RGS6: variants seen among roughly 807,000 people sequenced by gnomAD.
RGS6 encodes regulator of G protein signaling 6.
Under a neutral mutation model 78.5 loss-of-function variants are expected in RGS6, and 30 were observed. That is an observed-to-expected ratio of 0.38 (90% CI 0.29 to 0.52). The LOEUF (loss-of-function observed/expected upper bound fraction) is 0.52, where lower values mean the gene tolerates loss of function less well. Among genes scored for constraint, RGS6 ranks in the 20% least tolerant of loss-of-function variants. The pLI is 0.85. For synonymous variants in RGS6, 206 were observed against 206.0 expected (o/e 1.00, Z 0.00); for missense variants, 495 against 609.7 (o/e 0.81, Z 1.98).
In RGS6 at chr14:72,561,206, G is replaced by A. The variant is rs147311714; in HGVS notation, c.1423-1211G>A. 3.3e-3 allele frequency among the ~76,000 whole-genome samples: 500 copies of A among 152,296 alleles called. 2 individuals are homozygous for A. Among genetic ancestry groups the A allele is most frequent in the African/African-American group, 0.011 (459 of 41,566 alleles). The stretch of plus-strand genomic sequence containing the variant: ...TTAAATTACATCTAGCTTACACGCA[G>A]CCAAGCCCAGTAAACAAGACGAGCC... On this transcript the variant is annotated intron_variant, in intron 17 of 17. Transcript: ENST00000553525.
rs564581562 is a variant in RGS6 at position 72,233,519 on chromosome 14, C to T, written c.85-118576C>T. On this transcript the variant is annotated intron_variant, in intron 2 of 17. Transcript: ENST00000553525. ...AAAAATAAGTTGAGATCAGCACCTTCCACAGCCTCTGCATATGAAATGTCA... is the reference window on the plus strand; with the variant it reads ...AAAAATAAGTTGAGATCAGCACCTTTCACAGCCTCTGCATATGAAATGTCA... Among the ~76,000 whole-genome samples, 19 of 152,326 alleles carry T rather than the reference C, an allele frequency of 1.2e-4. No individual in the cohort carries two copies. The South Asian group carries it at 3.7e-3, about 30-fold the overall frequency.
At chr14:72,389,311 G>A (rs1286121437) in intron 3 of RGS6, among the ~76,000 whole-genome samples, 1 of 152,010 alleles carries the variant, frequency 6.6e-6, no homozygotes, top group Non-Finnish European at 1.5e-5. Flanking sequence ...TCTTTACTTA[G>A]CATCTACTCC....
At chr14:71,907,089 T>C in the RGS6 span, among the ~76,000 whole-genome samples, 11 of 152,338 alleles carry the variant, frequency 7.2e-5, no homozygotes, top group South Asian at 1.4e-3. Flanking sequence ...GAACATCCCA[T>C]ATGTGCCAGA....
intron 2 of RGS6, among the ~76,000 whole-genome samples, chr14:72,165,110 C>G (rs1443520517): frequency 6.6e-6 from 1 of 152,144 alleles, no homozygotes; most frequent in Non-Finnish European, 1.5e-5. Context: ...AGCCAGGAAC[C>G]CTGCTAGGAA....
At chr14:72,327,075 C>T (rs752306683) in intron 2 of RGS6, among the ~76,000 whole-genome samples, 1 of 152,148 alleles carries the variant, frequency 6.6e-6, no homozygotes, top group Non-Finnish European at 1.5e-5. Flanking sequence ...ACAGTAGATG[C>T]CTCTTGGGAG....
intron 2 of RGS6, among the ~76,000 whole-genome samples, chr14:72,336,536 C>T (rs866499989): frequency 6.7e-6 from 1 of 149,192 alleles, no homozygotes; most frequent in African/African-American, 2.5e-5. Context: ...AGAGAGAGAG[C>T]GCGCATAGGG....
chr14:72,065,410 T>C (rs2094095370), intron 2 of RGS6, among the ~76,000 whole-genome samples: 1 of 152,216 alleles, frequency 6.6e-6, no homozygotes, highest in Non-Finnish European at 1.5e-5. Context: ...GATTTCTACA[T>C]TGATTTATGT....
At chr14:72,478,207 G>A in intron 11 of RGS6, 61 bp from the exon 12 acceptor site, 2 of 1,272,820 alleles carry the variant, frequency 1.6e-6, no homozygotes, top group South Asian at 2.5e-5. Context: ...TGGGTTTGTG[G>A]AGCGAGGGGA....
At chr14:72,211,549 G>T (rs1211490887) in intron 2 of RGS6, among the ~76,000 whole-genome samples, 2 of 152,128 alleles carry the variant, frequency 1.3e-5, no homozygotes, top group Non-Finnish European at 2.9e-5. Context: ...TATTTTAGAT[G>T]GGAGATATTT....
intron 1 of RGS6, among the ~76,000 whole-genome samples, chr14:71,938,503 T>C (rs559852953): frequency 6.6e-6 from 1 of 152,288 alleles, no homozygotes; most frequent in East Asian, 1.9e-4. Context: ...GAACCATCTG[T>C]GAACAGGCCC....
chr14:72,414,295 C>T (rs1031262650), intron 3 of RGS6, among the ~76,000 whole-genome samples: 2 of 152,180 alleles, frequency 1.3e-5, no homozygotes, highest in Non-Finnish European at 2.9e-5. Flanking sequence ...AACTTCTCTT[C>T]TCGCTTCATT....
intron 2 of RGS6, among the ~76,000 whole-genome samples, chr14:71,994,620 G>A (rs1453714927): frequency 6.6e-6 from 1 of 152,058 alleles, no homozygotes; most frequent in Non-Finnish European, 1.5e-5. Context: ...AATTAGTAAA[G>A]ATGAGGTCAT....
intron 2 of RGS6, among the ~76,000 whole-genome samples, chr14:72,076,525 A>G (rs576938802): frequency 2.0e-5 from 3 of 152,282 alleles, no homozygotes; most frequent in South Asian, 4.1e-4. Context: ...ATTCATATAC[A>G]TATCTATACA....
intron 3 of RGS6, among the ~76,000 whole-genome samples, chr14:72,446,657 A>T (rs1034846265): frequency 1.3e-5 from 2 of 152,232 alleles, no homozygotes; most frequent in Non-Finnish European, 2.9e-5. Context: ...ACATTATAAC[A>T]TATAAGGAAA....
At chr14:72,446,953 C>T (rs1162331473) in intron 3 of RGS6, among the ~76,000 whole-genome samples, 1 of 152,094 alleles carries the variant, frequency 6.6e-6, no homozygotes, top group Non-Finnish European at 1.5e-5. Context: ...TGCTCACCCG[C>T]CACTCACCTC....
At chr14:72,300,772 T>A (rs948314480) in intron 2 of RGS6, among the ~76,000 whole-genome samples, 12 of 152,110 alleles carry the variant, frequency 7.9e-5, no homozygotes, top group Non-Finnish European at 1.2e-4. Context: ...TCAGTAAATG[T>A]TTGTCAAAAG....
chr14:72,263,523 C>G (rs1387809399), intron 2 of RGS6, among the ~76,000 whole-genome samples: 1 of 152,054 alleles, frequency 6.6e-6, no homozygotes, highest in Non-Finnish European at 1.5e-5. Context: ...TATGTGTCCC[C>G]CCCAAATTCA....
At chr14:72,402,902 T>G (rs1437581413) in intron 3 of RGS6, among the ~76,000 whole-genome samples, 1 of 149,924 alleles carries the variant, frequency 6.7e-6, no homozygotes, top group Non-Finnish European at 1.5e-5. Flanking sequence ...GTTCAAGTGA[T>G]TCTCCTGCCT....
the RGS6 span, among the ~76,000 whole-genome samples, chr14:71,925,773 T>C: frequency 7.8e-6 from 1 of 128,234 alleles, no homozygotes. Context: ...TTCTGTTCCA[T>C]TGGCCTTTTT....
Sources: gnomAD v4.1 joint callset for allele counts (sites outside exome capture counted in the v4.1 genomes callset) on GRCh38, gnomAD v4.1.1 for gene constraint, MANE v1.5 for transcripts, NCBI Gene and HGNC (gene_info 2026-07-23, HGNC 2026-07-21) for gene names.